ATP2A2: variants seen among roughly 807,000 people sequenced by gnomAD.
ATP2A2 encodes ATPase sarcoplasmic/endoplasmic reticulum Ca2+ transporting 2, also known as sarcoplasmic/endoplasmic reticulum calcium ATPase 2.
Under a neutral mutation model 109.3 loss-of-function variants are expected in ATP2A2, and 14 were observed. That is an observed-to-expected ratio of 0.13 (90% CI 0.08 to 0.20). The LOEUF (loss-of-function observed/expected upper bound fraction) is 0.20. Ranked by LOEUF, ATP2A2 falls within the 10% of genes least tolerant of loss-of-function variation. The pLI, the probability that ATP2A2 is intolerant of heterozygous loss-of-function variation, is 1.00. For missense variants in ATP2A2, 657 were observed against 1,321.6 expected (o/e 0.50, Z 7.80); for synonymous variants, 506 against 490.9 (o/e 1.03, Z -0.41).
intron 6 of ATP2A2, among the ~76,000 whole-genome samples, chr12:110,325,136 T>A (rs1877652651): frequency 6.6e-6 from 1 of 151,730 alleles, no homozygotes; most frequent in Non-Finnish European, 1.5e-5. Context: ...TTTAAAAGTT[T>A]AAAAAAAAAT....
intron 11 of ATP2A2, among the ~76,000 whole-genome samples, chr12:110,334,831 G>C (rs567388336): frequency 6.6e-6 from 1 of 151,846 alleles, no homozygotes; most frequent in African/African-American, 2.4e-5. Context: ...CAGGTGATCC[G>C]CCCACCTCGG....
At chr12:110,289,150 A>C (rs1872989764) in intron 3 of ATP2A2, among the ~76,000 whole-genome samples, 1 of 152,200 alleles carries the variant, frequency 6.6e-6, no homozygotes, top group African/African-American at 2.4e-5. Context: ...TTTGTTCCCC[A>C]GGCTTTACTG....
rs1879441792 is a variant in ATP2A2, at chr12:110,342,395, C to T, written c.2265C>T (p.Asn755=). ...AGGAGGGGCGGGCAATCTACAACAA[C>T]ATGAAACAGTTCATCCGCTACCTCA... ...AVEEGRAIYN[N]MKQFIRYLIS... The change falls in exon 15 of 20, where the codon AAC becomes AAT. Residue 755 remains asparagine, a synonymous_variant. Coordinates refer to ENST00000539276, the MANE Select transcript of ATP2A2 (RefSeq NM_170665.4). This position sits in a 1 kb window ranked among gnomAD's most constrained non-coding sequence, Gnocchi z 4.6. 1.2e-6 allele frequency: 2 copies of T among 1,614,130 alleles called. No homozygotes were observed. Among genetic ancestry groups the T allele is most frequent in the East Asian group, 2.2e-5 (1 of 44,888 alleles).
At position 110,350,426 on chromosome 12, in the gene ATP2A2, CT is replaced by C. The variant is rs1880294533; in HGVS notation, c.*3958del. On this transcript the variant is annotated 3_prime_UTR_variant, in exon 20 of 20. Transcript: ENST00000539276. ...GTTGGGGAAAAAGAAAAGTAAAAAACTTCCCAACTCACTTTGTGTTATGTGG... is the reference window on the plus strand; with the variant it reads ...GTTGGGGAAAAAGAAAAGTAAAAAACTCCCAACTCACTTTGTGTTATGTGG... 1.3e-6 allele frequency: 2 copies of C among 1,511,612 alleles called. No homozygotes were observed. Among genetic ancestry groups the C allele is most frequent in the African/African-American group, 2.8e-5 (2 of 72,686 alleles). The allele number at this position is 1,511,612 out of a possible 1,614,324, so 93.6% of individuals were successfully genotyped here.
chr12:110,311,632 T>C (rs905155015), intron 5 of ATP2A2, among the ~76,000 whole-genome samples: 1 of 139,296 alleles, frequency 7.2e-6, no homozygotes, highest in African/African-American at 2.6e-5. Context: ...ACGCTGGGAT[T>C]ATAAGTGTGA....
intron 16 of ATP2A2, among the ~76,000 whole-genome samples, chr12:110,344,238 T>C (rs1879628734): frequency 6.6e-6 from 1 of 152,170 alleles, no homozygotes; most frequent in South Asian, 2.1e-4. Context: ...GTATATGCAC[T>C]TGTTGTTTTT....
At chr12:110,312,237 T>G (rs575272047) in intron 5 of ATP2A2, among the ~76,000 whole-genome samples, 65 of 152,086 alleles carry the variant, frequency 4.3e-4, no homozygotes, top group Non-Finnish European at 8.5e-4. Context: ...GCACACTGCT[T>G]AGATCAATGT....
In ATP2A2 at chr12:110,340,642, T is replaced by C; in HGVS notation, c.1762-17T>C. The C allele has an allele frequency of 6.2e-7, 1 of 1,613,854 alleles. No homozygotes were observed. Among genetic ancestry groups the C allele is most frequent in the South Asian group, 1.1e-5 (1 of 91,062 alleles). On this transcript the variant is annotated splice_polypyrimidine_tract_variant and intron_variant, in intron 13 of 19. Transcript: ENST00000539276. This position sits in a 1 kb window ranked among gnomAD's most constrained non-coding sequence, Gnocchi z 6.0. The stretch of plus-strand genomic sequence containing the variant: ...TAGAACTTGCCACTTTTATTTAAAG[T>C]GATGCTCTTATTTTAGACCAATCTG...
chr12:110,308,061 A>G (rs937077981), intron 5 of ATP2A2, among the ~76,000 whole-genome samples: 3 of 152,158 alleles, frequency 2.0e-5, no homozygotes, highest in East Asian at 3.8e-4. Flanking sequence ...TAGCGTGTAG[A>G]AATAGTTTTT....
intron 3 of ATP2A2, among the ~76,000 whole-genome samples, chr12:110,288,101 C>CTTTTTTTTTTTTTT (rs71083111): frequency 1.1e-5 from 1 of 87,300 alleles, no homozygotes; most frequent in South Asian, 3.9e-4. Context: ...ATGCTTTGCC[C>CTTTTTTTTTTTTTT]TTTTTTTTTT....
At chr12:110,313,232 C>T (rs1876284178) in intron 5 of ATP2A2, among the ~76,000 whole-genome samples, 1 of 151,622 alleles carries the variant, frequency 6.6e-6, no homozygotes. Context: ...CAGGAAGTGC[C>T]AACCTTTTCA....
intron 4 of ATP2A2, among the ~76,000 whole-genome samples, chr12:110,293,105 C>T (rs368021348): frequency 1.2e-3 from 187 of 151,948 alleles, no homozygotes; most frequent in African/African-American, 4.3e-3. Context: ...GTTTTGAGAC[C>T]GACTCTCTGT....
rs1264725480 is a variant in ATP2A2 at position 110,334,956 on chromosome 12, TGGTGGC to T, written c.1419+814_1419+819del. ...ATACCAAAGGTCAATGTGGTGATGG[TGGTGGC>T]AGTGGCAGTGGCAGTGGCAGAGGGC... On this transcript the variant is annotated intron_variant, in intron 11 of 19. Transcript: ENST00000539276. Among the ~76,000 whole-genome samples the T allele has an allele frequency of 1.1e-4, 17 of 152,186 alleles. No homozygotes were observed. The Middle Eastern group carries it at 0.017, about 152-fold the overall frequency.
At chr12:110,300,351 CTT>C (rs34894637) in intron 5 of ATP2A2, among the ~76,000 whole-genome samples, 19 of 104,408 alleles carry the variant, frequency 1.8e-4, no homozygotes, top group East Asian at 2.3e-4. Context: ...CCATGCCCAG[CTT>C]TTTTTTTTTT....
chr12:110,291,622 TC>T (rs1056906025), intron 3 of ATP2A2, among the ~76,000 whole-genome samples: 17 of 149,256 alleles, frequency 1.1e-4, no homozygotes, highest in African/African-American at 3.9e-4. Context: ...TCTATCATAA[TC>T]CCTTTAGTGC....
At chr12:110,285,770 G>A (rs1298807106) in intron 3 of ATP2A2, among the ~76,000 whole-genome samples, 2 of 152,008 alleles carry the variant, frequency 1.3e-5, no homozygotes, top group African/African-American at 4.8e-5. Context: ...ACCTTCCACC[G>A]TCGTTTCCCA....
rs778447887 is a variant in ATP2A2 at position 110,333,157 on chromosome 12, T to TA, written c.1185-22dup. The TA allele has an allele frequency of 1.4e-5, 23 of 1,588,570 alleles. No individual in the cohort carries two copies. The African/African-American group carries it at 3.1e-4, about 21-fold the overall frequency. On this transcript the variant is annotated intron_variant, in intron 9 of 19. Transcript: ENST00000539276. ...CAATAGTGGCGACCATACCCTGCTC[T>TA]AAGAGTGTTTTCTCTTTGGGCAGGC...
chr12:110,292,413 C>T (rs770693988), intron 4 of ATP2A2, among the ~76,000 whole-genome samples: 10 of 152,054 alleles, frequency 6.6e-5, no homozygotes, highest in East Asian at 1.9e-4. Context: ...ACTACAGGCA[C>T]GCACCACCAC....
At chr12:110,338,802 C>G (rs571085763) in intron 11 of ATP2A2, among the ~76,000 whole-genome samples, 1 of 152,312 alleles carries the variant, frequency 6.6e-6, no homozygotes, top group African/African-American at 2.4e-5. Context: ...CTTTTGAGGT[C>G]TTAATGACCT....
Sources: gnomAD v4.1 joint callset for allele counts (sites outside exome capture counted in the v4.1 genomes callset) on GRCh38, gnomAD v4.1.1 for gene constraint, Gnocchi (gnomAD v3.1) non-coding constraint, MANE v1.5 for transcripts, NCBI Gene and HGNC (gene_info 2026-07-23, HGNC 2026-07-21) for gene names.